Variants in GRXCR1 observed in about 807,000 individuals in gnomAD.
The protein encoded by GRXCR1 is glutaredoxin and cysteine rich domain containing 1.
Under a neutral mutation model 27.3 loss-of-function variants are expected in GRXCR1, and 27 were observed. That is an observed-to-expected ratio of 0.99 (90% CI 0.73 to 1.37). The LOEUF is 1.37. Ranked by LOEUF, GRXCR1 falls within the 40% of genes most tolerant of loss-of-function variation. GRXCR1 has a pLI of 0.00. For missense variants in GRXCR1, 379 were observed against 354.4 expected (o/e 1.07, Z -0.56); for synonymous variants, 122 against 131.1 (o/e 0.93, Z 0.47).
intron 2 of GRXCR1, among the ~76,000 whole-genome samples, chr4:42,979,419 T>G (rs1182676043): frequency 6.6e-6 from 1 of 152,128 alleles, no homozygotes; most frequent in Non-Finnish European, 1.5e-5. Context: ...TCAAATATTT[T>G]CTGCATCTAT....
intron 2 of GRXCR1, among the ~76,000 whole-genome samples, chr4:42,984,753 C>A (rs944618293): frequency 1.3e-5 from 2 of 152,178 alleles, no homozygotes; most frequent in African/African-American, 4.8e-5. Flanking sequence ...ACTGCTGAGG[C>A]CTGCCTGTTG....
intron 1 of GRXCR1, among the ~76,000 whole-genome samples, chr4:42,937,382 A>G (rs912089625): frequency 2.0e-5 from 3 of 151,544 alleles, no homozygotes; most frequent in Non-Finnish European, 4.4e-5. Flanking sequence ...CTGTTTCTTC[A>G]AGGAGCTCTG....
intron 2 of GRXCR1, among the ~76,000 whole-genome samples, chr4:43,000,626 T>G (rs1712323044): frequency 6.6e-6 from 1 of 152,084 alleles, no homozygotes; most frequent in Non-Finnish European, 1.5e-5. Context: ...TTACTATTAA[T>G]TGTTGATATC....
intron 2 of GRXCR1, among the ~76,000 whole-genome samples, chr4:43,005,411 TTTA>T (rs994080097): frequency 1.3e-5 from 2 of 152,200 alleles, no homozygotes; most frequent in Non-Finnish European, 2.9e-5. Flanking sequence ...GTGAAACAAT[TTTA>T]TTATTATAGC....
intron 2 of GRXCR1, among the ~76,000 whole-genome samples, chr4:43,003,299 A>G (rs1425792908): frequency 6.6e-6 from 1 of 152,182 alleles, no homozygotes; most frequent in South Asian, 2.1e-4. Context: ...AACTTAAAGT[A>G]TAATAATAAT....
intron 1 of GRXCR1, among the ~76,000 whole-genome samples, chr4:42,911,443 A>G (rs1216547292): frequency 6.6e-6 from 1 of 152,154 alleles, no homozygotes; most frequent in Non-Finnish European, 1.5e-5. Flanking sequence ...CAAACGATGA[A>G]TAAGAATAAA....
chr4:42,908,528 G>C (rs887499148), intron 1 of GRXCR1, among the ~76,000 whole-genome samples: 2 of 152,162 alleles, frequency 1.3e-5, no homozygotes, highest in African/African-American at 2.4e-5. Flanking sequence ...TGTGCAGTAA[G>C]CTTCATATTT....
chr4:42,946,401 C>T (rs1196907429), intron 1 of GRXCR1, among the ~76,000 whole-genome samples: 1 of 151,936 alleles, frequency 6.6e-6, no homozygotes, highest in Non-Finnish European at 1.5e-5. Context: ...TGTTATTATC[C>T]TAGTGTGAAA....
chr4:43,025,982 A>T (rs1713247411), intron 3 of GRXCR1, among the ~76,000 whole-genome samples: 1 of 152,060 alleles, frequency 6.6e-6, no homozygotes, highest in Admixed American at 6.6e-5. Context: ...TCTCAAAAAA[A>T]AAAAAAAAAA....
chr4:42,940,462 G>A (rs1295907874), intron 1 of GRXCR1, among the ~76,000 whole-genome samples: 1 of 151,998 alleles, frequency 6.6e-6, no homozygotes, highest in Non-Finnish European at 1.5e-5. Flanking sequence ...TTGTAAGGAT[G>A]GGAGCAACAA....
intron 1 of GRXCR1, among the ~76,000 whole-genome samples, chr4:42,931,949 G>A (rs544418818): frequency 6.6e-6 from 1 of 152,034 alleles, no homozygotes. Context: ...TTACATGGTG[G>A]CCGGCAATAG....
chr4:42,998,981 T>C (rs1712264190), intron 2 of GRXCR1, among the ~76,000 whole-genome samples: 1 of 152,198 alleles, frequency 6.6e-6, no homozygotes, highest in Non-Finnish European at 1.5e-5. Flanking sequence ...TCAAAAAGTA[T>C]TTTAAGTCAA....
At chr4:43,013,039 C>T (rs1712810943) in intron 2 of GRXCR1, among the ~76,000 whole-genome samples, 1 of 152,076 alleles carries the variant, frequency 6.6e-6, no homozygotes, top group African/African-American at 2.4e-5. Flanking sequence ...GCTAGTGAGG[C>T]TGCAGAGAAA....
At chr4:42,954,472 T>C (rs1012352049) in intron 1 of GRXCR1, among the ~76,000 whole-genome samples, 1 of 152,144 alleles carries the variant, frequency 6.6e-6, no homozygotes, top group African/African-American at 2.4e-5. Flanking sequence ...CAAATTCTGG[T>C]TCTGCTCCCT....
At position 42,969,335 on chromosome 4, in the gene GRXCR1, C is replaced by G. The variant is rs73177734; in HGVS notation, c.627+6201C>G. 6.2e-3 allele frequency among the ~76,000 whole-genome samples: 941 copies of G among 152,186 alleles called. 18 individuals are homozygous for G. Among genetic ancestry groups the G allele is most frequent in the African/African-American group, 0.021 (888 of 41,520 alleles). On this transcript the variant is annotated intron_variant, in intron 2 of 3. Coordinates refer to ENST00000399770, the MANE Select transcript of GRXCR1 (RefSeq NM_001080476.3). ...ATTTTTGTTTTTGTCTGTTTTCACA[C>G]TGCTATAAAGAACTACCTGAGACTG...
chr4:42,970,381 C>T (rs1748357455), intron 2 of GRXCR1, among the ~76,000 whole-genome samples: 1 of 152,132 alleles, frequency 6.6e-6, no homozygotes, highest in Admixed American at 6.6e-5. Context: ...TAAAGGTTCT[C>T]CATGAGGACT....
At chr4:42,915,461 TC>T (rs1298252735) in intron 1 of GRXCR1, among the ~76,000 whole-genome samples, 8 of 152,174 alleles carry the variant, frequency 5.3e-5, no homozygotes, top group African/African-American at 1.7e-4. Flanking sequence ...TCTCTTTCTC[TC>T]TTTTTTTTCC....
chr4:42,987,860 C>T (rs145398590), intron 2 of GRXCR1, among the ~76,000 whole-genome samples: 42 of 152,258 alleles, frequency 2.8e-4, no homozygotes, highest in African/African-American at 9.9e-4. Flanking sequence ...TTTTACTAGG[C>T]TTCTATGACA....
At chr4:42,914,613 C>T (rs1746843635) in intron 1 of GRXCR1, among the ~76,000 whole-genome samples, 1 of 152,226 alleles carries the variant, frequency 6.6e-6, no homozygotes, top group East Asian at 1.9e-4. Context: ...TGAGTTAAGA[C>T]TTTAGGGGAC....
Sources: gnomAD v4.1 joint callset for allele counts (sites outside exome capture counted in the v4.1 genomes callset) on GRCh38, gnomAD v4.1.1 for gene constraint, MANE v1.5 for transcripts, NCBI Gene and HGNC (gene_info 2026-07-23, HGNC 2026-07-21) for gene names.